LIPF: variants seen among roughly 807,000 people sequenced by gnomAD.
LIPF encodes gastric triacylglycerol lipase.
A neutral mutation model predicts 38.0 loss-of-function variants in LIPF; 25 were observed. That is an observed-to-expected ratio of 0.66 (90% CI 0.48 to 0.92). LIPF has a LOEUF of 0.92. Ranked by LOEUF, LIPF falls within the 40% of genes least tolerant of loss-of-function variation. The pLI, the probability that LIPF is intolerant of heterozygous loss-of-function variation, is 0.00. For missense variants in LIPF, 410 were observed against 469.9 expected, an observed-to-expected ratio of 0.87 and a Z score of 1.18; for synonymous variants, 161 against 156.2, an observed-to-expected ratio of 1.03 and a Z score of -0.23.
intron 5 of LIPF, among the ~76,000 whole-genome samples, chr10:88,670,362 T>C (rs542146825): frequency 1.3e-5 from 2 of 151,978 alleles, no homozygotes; most frequent in East Asian, 3.9e-4. Context: ...GCAGAGAAAA[T>C]AAAAAAGGTT....
At chr10:88,673,830 G>C in intron 7 of LIPF, 96 bp downstream of exon 7, 1 of 927,912 alleles carries the variant, frequency 1.1e-6, no homozygotes, top group Non-Finnish European at 1.7e-6. Flanking sequence ...ACTAGGAGTA[G>C]GTTCAGAACT....
At chr10:88,672,852 T>A (rs966329497) in intron 6 of LIPF, among the ~76,000 whole-genome samples, 1 of 152,218 alleles carries the variant, frequency 6.6e-6, no homozygotes, top group African/African-American at 2.4e-5. Context: ...AAAACTTTTA[T>A]TAAAATCTAA....
At chr10:88,676,749 G>A (rs547573596) in intron 9 of LIPF, among the ~76,000 whole-genome samples, 2 of 152,274 alleles carry the variant, frequency 1.3e-5, no homozygotes, top group Admixed American at 1.3e-4. Context: ...GCAGGTCAAG[G>A]CTGGAAATAT....
chr10:88,677,251 T>C lies in LIPF; in HGVS notation c.960+971T>C, dbSNP rs17287177. 7.0e-3 allele frequency among the ~76,000 whole-genome samples: 1,059 copies of C among 152,298 alleles called. 6 individuals are homozygous for C. The highest frequency in any genetic ancestry group is 0.027 in the Middle Eastern group (8 of 294). On this transcript the variant is annotated intron_variant, in intron 9 of 9. Transcript: ENST00000238983. The stretch of plus-strand genomic sequence containing the variant: ...GATCAAACTTTTGTTGAAAACATTT[T>C]TTCCTCCACCATCACTTTCTCAAAT...
At position 88,667,608 on chromosome 10, in the gene LIPF, T is replaced by C. The variant is rs762988463; in HGVS notation, c.145T>C (p.Tyr49His). The C allele has an allele frequency of 3.7e-6, 6 of 1,603,324 alleles. No homozygotes were observed. In the Admixed American group the frequency reaches 5.0e-5, roughly 13 times the overall value. ...ITYWGYPNEE[Y>H]EVVTEDGYIL... ...TTATTGGGGATACCCAAATGAAGAATATGAAGTTGTGACTGAAGATGGTTA... is the reference window on the plus strand; with the variant it reads ...TTATTGGGGATACCCAAATGAAGAACATGAAGTTGTGACTGAAGATGGTTA... The change falls in exon 3 of 10, where the codon TAT (tyrosine) becomes CAT (histidine). Residue 49 changes from tyrosine (Y) to histidine (H), a missense_variant. Tyr to His is a moderately conservative substitution (Grantham distance 83, BLOSUM62 2). Coordinates refer to ENST00000238983, the MANE Select transcript of LIPF (RefSeq NM_004190.4).
At chr10:88,664,943 A>T (rs1172208263) in intron 1 of LIPF, among the ~76,000 whole-genome samples, 1 of 152,188 alleles carries the variant, frequency 6.6e-6, no homozygotes, top group Non-Finnish European at 1.5e-5. Flanking sequence ...CGATTGTGAA[A>T]CCTTATAGGC....
chr10:88,668,922 G>T, intron 4 of LIPF, 166 bp downstream of exon 4: 1 of 612,968 alleles, frequency 1.6e-6, no homozygotes, highest in Admixed American at 3.0e-5. Context: ...TCATTCCTAG[G>T]GTAGCTTTTC....
chr10:88,671,765 CAAACA>C, intron 5 of LIPF, 59 bp from the exon 6 acceptor site: 2 of 1,543,912 alleles, frequency 1.3e-6, no homozygotes, highest in Non-Finnish European at 1.7e-6. Context: ...CTTATAAAAA[CAAACA>C]AAACAACAAC....
At position 88,672,625 on chromosome 10, in the gene LIPF, AACACACACACACACAC is replaced by A. The variant is rs71471111; in HGVS notation, c.669+691_669+706del. On this transcript the variant is annotated intron_variant, in intron 6 of 9. Transcript: ENST00000238983. ...CCTAATTCTCTCACCCAGTAAAACC[AACACACACACACACAC>A]ACACACACACACACACACACACACA... Among the ~76,000 whole-genome samples, 20 of 130,964 alleles carry A rather than the reference AACACACACACACACAC, an allele frequency of 1.5e-4. No homozygotes were observed. In the East Asian group the frequency reaches 1.5e-3, roughly 10 times the overall value. 85.9% of individuals were successfully genotyped at this position (130,964 alleles called of 152,430 possible).
At position 88,671,942 on chromosome 10, in the gene LIPF, T is replaced by A. The variant is rs1300477619; in HGVS notation, c.646T>A (p.Phe216Ile). 2 of 1,611,872 alleles carry A rather than the reference T, an allele frequency of 1.2e-6. No individual in the cohort carries two copies. The highest frequency in any genetic ancestry group is 1.7e-6 in the Non-Finnish European group (2 of 1,178,860). ...AAAAAGCCTTATAAACAAACTTAGA[T>A]TTGTTCCTCAATCCCTCTTCAAGGT... is the stretch of plus-strand genomic sequence containing the variant. ...YTKSLINKLR[F>I]VPQSLFKFIF... Residue 216 changes from phenylalanine to isoleucine, a missense_variant, in exon 6 of 10, where the codon TTT becomes ATT. Phe to Ile is a conservative substitution (Grantham distance 21, BLOSUM62 0). Transcript: ENST00000238983.
chr10:88,671,792 C>A (rs1185515953), intron 5 of LIPF, 37 bp from the exon 6 acceptor site: 1 of 1,598,882 alleles, frequency 6.3e-7, no homozygotes, highest in Non-Finnish European at 8.5e-7. Context: ...ACAACACACA[C>A]ACACACCTTT....
chr10:88,673,774 T>A (rs772347641), intron 7 of LIPF, 40 bp downstream of exon 7: 1 of 1,552,462 alleles, frequency 6.4e-7, no homozygotes. Flanking sequence ...GAGCAACATC[T>A]TTGATTACTT....
chr10:88,665,045 G>A (rs527568106), intron 1 of LIPF, among the ~76,000 whole-genome samples: 1 of 152,252 alleles, frequency 6.6e-6, no homozygotes, highest in African/African-American at 2.4e-5. Flanking sequence ...TATAAAAGCT[G>A]GCCCAGGGTC....
intron 1 of LIPF, among the ~76,000 whole-genome samples, chr10:88,664,934 G>A (rs920729867): frequency 2.0e-5 from 3 of 152,054 alleles, no homozygotes; most frequent in African/African-American, 7.2e-5. Context: ...TTATTAATAC[G>A]ATTGTGAAAC....
intron 5 of LIPF, 140 bp downstream of exon 5, chr10:88,670,086 A>C: frequency 1.5e-6 from 1 of 646,168 alleles, no homozygotes; most frequent in East Asian, 2.6e-5. Flanking sequence ...AGGGACAATT[A>C]TAATTCCTAT....
intron 7 of LIPF, among the ~76,000 whole-genome samples, chr10:88,674,667 T>A (rs897673245): frequency 6.6e-6 from 1 of 152,260 alleles, no homozygotes; most frequent in African/African-American, 2.4e-5. Context: ...GAAGATCAAA[T>A]GAGCTAGTAT....
chr10:88,672,470 T>C (rs373440040), intron 6 of LIPF, among the ~76,000 whole-genome samples: 5 of 152,146 alleles, frequency 3.3e-5, no homozygotes, highest in African/African-American at 1.2e-4. Context: ...TCCTAAGAGC[T>C]CCTTCATCTT....
Position 88,667,682 on chromosome 10 carries a change from T to C in LIPF, c.219T>C (p.Asn73=). 1 of 1,270,422 alleles carries C rather than the reference T, an allele frequency of 7.9e-7. No individual in the cohort carries two copies. The highest frequency in any genetic ancestry group is 1.1e-6 in the Non-Finnish European group (1 of 870,408). The allele number at this position is 1,270,422 out of a possible 1,614,324, so 78.7% of individuals were successfully genotyped here. A position where few individuals can be genotyped will look rare whatever the true frequency, so the allele number is the denominator to read the frequency against. ...RIPYGKKNSG[N]TGQRPVVFLQ... ...CTTATGGGAAGAAAAATTCAGGGAATACAGGTATATATAAGCTTCTTTTCT... is the reference window on the plus strand; with the variant it reads ...CTTATGGGAAGAAAAATTCAGGGAACACAGGTATATATAAGCTTCTTTTCT... Residue 73 remains asparagine, a synonymous_variant, in exon 3 of 10, where the codon AAT becomes AAC. Coordinates refer to ENST00000238983, the MANE Select transcript of LIPF (RefSeq NM_004190.4).
intron 1 of LIPF, among the ~76,000 whole-genome samples, chr10:88,666,884 C>G (rs1841519551): frequency 6.6e-6 from 1 of 151,960 alleles, no homozygotes; most frequent in Admixed American, 6.6e-5. Context: ...AGTCAAAGGC[C>G]CACACATCCC....
Sources: gnomAD v4.1 joint callset for allele counts (sites outside exome capture counted in the v4.1 genomes callset) on GRCh38, gnomAD v4.1.1 for gene constraint, MANE v1.5 for transcripts, NCBI Gene and HGNC (gene_info 2026-07-23, HGNC 2026-07-21) for gene names.